WIPF1: variants seen among roughly 807,000 people sequenced by gnomAD.
WIPF1 encodes WAS/WASL interacting protein family member 1, also known as WAS/WASL-interacting protein family member 1.
In WIPF1, 13 loss-of-function variants were observed where a neutral mutation model predicts 35.4. The ratio of observed to expected loss-of-function variants is 0.37; its 90% confidence interval spans 0.24 to 0.58. The LOEUF is 0.58. Among genes scored for constraint, WIPF1 ranks in the 20% least tolerant of loss-of-function variants. The pLI, the probability that WIPF1 is intolerant of heterozygous loss-of-function variation, is 0.74. For missense variants in WIPF1, 591 were observed against 667.0 expected, an observed-to-expected ratio of 0.89 and a Z score of 1.25; for synonymous variants, 267 against 266.3, an observed-to-expected ratio of 1.00 and a Z score of -0.02.
chr2:174,611,978 T>A (rs1228394613), intron 1 of WIPF1, among the ~76,000 whole-genome samples: 1 of 152,206 alleles, frequency 6.6e-6, no homozygotes, highest in African/African-American at 2.4e-5. Flanking sequence ...CGCTGCAGCT[T>A]CAAACTCCTA....
At position 174,572,171 on chromosome 2, in the gene WIPF1, G is replaced by C; in HGVS notation, c.634C>G (p.Gln212Glu). 1 of 1,614,014 alleles carries C rather than the reference G, an allele frequency of 6.2e-7. No individual in the cohort carries two copies. Among genetic ancestry groups the C allele is most frequent in the Non-Finnish European group, 8.5e-7 (1 of 1,179,942 alleles). The stretch of plus-strand genomic sequence containing the variant: ...GGAGGAGTGGGCCCGGGGCTGGGCT[G>C]CCTGGGGCCTCCGGGCACTGGTGGG... ...GSPPVPGGPR[Q>E]PSPGPTPPPF... is the part of the protein sequence containing the mutation. Residue 212 changes from glutamine (Q) to glutamate (E), a missense_variant, in exon 5 of 8, where the codon CAG becomes GAG. Gln to Glu is a conservative substitution (Grantham distance 29, BLOSUM62 2). This residue lies in a region of WIPF1 where 471 missense variants were observed against 501.1 expected (regional missense o/e 0.94). Transcript: ENST00000679041.
intron 6 of WIPF1, among the ~76,000 whole-genome samples, 168 bp downstream of exon 6, chr2:174,567,691 TTA>T (rs1397576792): frequency 6.6e-6 from 1 of 152,248 alleles, no homozygotes; most frequent in East Asian, 1.9e-4. Flanking sequence ...ATTACTATTT[TTA>T]ATTTGAAATC....
At chr2:174,641,238 C>T (rs1277513156) in intron 1 of WIPF1, among the ~76,000 whole-genome samples, 2 of 152,230 alleles carry the variant, frequency 1.3e-5, no homozygotes, top group Non-Finnish European at 2.9e-5. Context: ...TCTGGGTTTA[C>T]TGACTCCTTT....
chr2:174,592,679 C>T lies in WIPF1; in HGVS notation c.-39+4922G>A, dbSNP rs1642285460. On this transcript the variant is annotated intron_variant, in intron 1 of 7. Coordinates refer to ENST00000679041, the MANE Select transcript of WIPF1 (RefSeq NM_001375834.1). ...GGAGTGCAGTGGTACGATCTTGGCT[C>T]ACTGCAACCTCCACCTCCTGGGTTC... Among the ~76,000 whole-genome samples the T allele has an allele frequency of 2.0e-5, 3 of 150,094 alleles. No individual in the cohort carries two copies. The Admixed American group carries it at 2.0e-4, about 10-fold the overall frequency.
At chr2:174,662,571 CT>C (rs1287402407) in intron 1 of WIPF1, among the ~76,000 whole-genome samples, 2 of 152,214 alleles carry the variant, frequency 1.3e-5, no homozygotes, top group East Asian at 3.8e-4. Flanking sequence ...TCTGAGCCCC[CT>C]GAAATAGGGT....
chr2:174,634,779 CA>C (rs1239682674), intron 1 of WIPF1, among the ~76,000 whole-genome samples: 4 of 152,128 alleles, frequency 2.6e-5, no homozygotes, highest in Non-Finnish European at 4.4e-5. Context: ...GGAGATAAGC[CA>C]GGGGGAAGTC....
intron 1 of WIPF1, among the ~76,000 whole-genome samples, chr2:174,605,554 T>C (rs1574829643): frequency 6.6e-6 from 1 of 152,312 alleles, no homozygotes; most frequent in East Asian, 1.9e-4. Context: ...TATTTAATGA[T>C]ATTAAGATAT....
chr2:174,665,457 C>T (rs934798051), intron 1 of WIPF1: 2 of 152,244 alleles, frequency 1.3e-5, no homozygotes, highest in Non-Finnish European at 2.9e-5. Context: ...GTAAGGAAAA[C>T]CATTTCTAGG....
intron 1 of WIPF1, among the ~76,000 whole-genome samples, chr2:174,649,693 G>A (rs551858483): frequency 1.3e-5 from 2 of 152,058 alleles, no homozygotes; most frequent in South Asian, 4.1e-4. Flanking sequence ...TTATATGTAG[G>A]ACTCGTAAGT....
intron 1 of WIPF1, among the ~76,000 whole-genome samples, chr2:174,629,504 A>ATATT (rs1208746739): frequency 2.0e-5 from 3 of 152,202 alleles, no homozygotes; most frequent in Non-Finnish European, 4.4e-5. Context: ...TGGGCATGAA[A>ATATT]TGGCAGAGGC....
At chr2:174,600,837 G>T (rs1299809095), upstream of WIPF1, among the ~76,000 whole-genome samples, 2 of 150,136 alleles carry the variant, frequency 1.3e-5, no homozygotes, top group Admixed American at 6.6e-5. Flanking sequence ...TCTAATGCAG[G>T]TGTTTGAAAA....
In WIPF1 at chr2:174,665,855, T is replaced by C. The variant is rs74671620; in HGVS notation, c.-39+16919A>G. On this transcript the variant is annotated intron_variant, in intron 1 of 8. Coordinates refer to the WIPF1 transcript ENST00000272746. ...CTCAGAGAGGCTCATTTGTAGATAC[T>C]GCATGCAGACACCGTCCCACTTCAT... Among the ~76,000 whole-genome samples the C allele has an allele frequency of 5.1e-3, 771 of 152,356 alleles. 10 individuals are homozygous for C. Among genetic ancestry groups the C allele is most frequent in the African/African-American group, 0.018 (743 of 41,586 alleles).
At chr2:174,593,958 A>T (rs538615111) in intron 1 of WIPF1, among the ~76,000 whole-genome samples, 2 of 152,356 alleles carry the variant, frequency 1.3e-5, no homozygotes, top group South Asian at 2.1e-4. Context: ...AGCAAAAGGC[A>T]GAGAAGAGGA....
intron 7 of WIPF1, 29 bp downstream of exon 7, chr2:174,567,041 T>C (rs1258868548): frequency 6.2e-7 from 1 of 1,607,756 alleles, no homozygotes; most frequent in South Asian, 1.1e-5. Flanking sequence ...CAAGCGTGAA[T>C]CTTCAAAAAC....
chr2:174,603,465 T>G (rs1391337292), intron 1 of WIPF1, among the ~76,000 whole-genome samples: 4 of 152,196 alleles, frequency 2.6e-5, no homozygotes, highest in African/African-American at 9.7e-5. Context: ...TTGGCAGTCC[T>G]TGTTAAGTGA....
At chr2:174,618,085 T>C (rs1301834599) in intron 1 of WIPF1, among the ~76,000 whole-genome samples, 1 of 152,256 alleles carries the variant, frequency 6.6e-6, no homozygotes, top group Non-Finnish European at 1.5e-5. Context: ...TATTTTAACC[T>C]TTCTTTTATA....
intron 1 of WIPF1, among the ~76,000 whole-genome samples, chr2:174,682,029 T>C (rs993561221): frequency 2.6e-5 from 4 of 152,260 alleles, no homozygotes; most frequent in African/African-American, 7.2e-5. Context: ...ACGCTAACAG[T>C]TCTTTCTTTA....
At chr2:174,588,320 C>T (rs1326068159) in intron 1 of WIPF1, among the ~76,000 whole-genome samples, 1 of 152,088 alleles carries the variant, frequency 6.6e-6, no homozygotes, top group African/African-American at 2.4e-5. Flanking sequence ...CCACGTTCAC[C>T]GATTAACTTT....
intron 1 of WIPF1, among the ~76,000 whole-genome samples, chr2:174,675,935 T>TC (rs1688119836): frequency 6.7e-6 from 1 of 148,748 alleles, no homozygotes; most frequent in South Asian, 2.1e-4. Flanking sequence ...TTTTTTTTTT[T>TC]GCTTTCATTT....
Sources: gnomAD v4.1 joint callset for allele counts (sites outside exome capture counted in the v4.1 genomes callset) on GRCh38, gnomAD v4.1.1 for gene constraint, gnomAD v4.1.1 regional missense constraint, MANE v1.5 for transcripts, NCBI Gene and HGNC (gene_info 2026-07-23, HGNC 2026-07-21) for gene names.